The following ST3GAL3 variants were observed in gnomAD, a reference collection of about 807,000 sequenced individuals.
ST3GAL3 encodes ST3 beta-galactoside alpha-2,3-sialyltransferase 3.
In ST3GAL3, 21 loss-of-function variants were observed where a neutral mutation model predicts 50.1. The observed-to-expected ratio is 0.42, with a 90% confidence interval of 0.30 to 0.60. The LOEUF is 0.60. Among genes scored for constraint, ST3GAL3 ranks in the 20% least tolerant of loss-of-function variants. ST3GAL3 has a pLI of 0.19. For synonymous variants in ST3GAL3, 183 were observed against 190.0 expected (o/e 0.96, Z 0.30); for missense variants, 353 against 489.4 (o/e 0.72, Z 2.63).
At chr1:43,755,121 A>G (rs1419071146) in intron 2 of ST3GAL3, among the ~76,000 whole-genome samples, 1 of 152,186 alleles carries the variant, frequency 6.6e-6, no homozygotes, top group Non-Finnish European at 1.5e-5. Context: ...AACATTTTCA[A>G]TGTTTAAAAT....
chr1:43,815,677 A>C (rs1324979484), intron 4 of ST3GAL3, among the ~76,000 whole-genome samples: 1 of 152,224 alleles, frequency 6.6e-6, no homozygotes, highest in African/African-American at 2.4e-5. Context: ...TCTGAGCCTC[A>C]GTTTCATCTG....
chr1:43,836,081 C>T (rs1262045053), intron 4 of ST3GAL3, among the ~76,000 whole-genome samples: 1 of 152,172 alleles, frequency 6.6e-6, no homozygotes, highest in Non-Finnish European at 1.5e-5. Flanking sequence ...CTTCATCTTT[C>T]TAGGCCTTGT....
At chr1:43,929,456 A>G (rs1341844539) in intron 11 of ST3GAL3, among the ~76,000 whole-genome samples, 1 of 152,012 alleles carries the variant, frequency 6.6e-6, no homozygotes, top group Non-Finnish European at 1.5e-5. Context: ...AGGCGCTACC[A>G]TCACACCCAG....
In ST3GAL3 at chr1:43,774,968, A is replaced by G. The variant is rs1409992687; in HGVS notation, c.119-17134A>G. Among the ~76,000 whole-genome samples the G allele has an allele frequency of 6.6e-5, 10 of 152,132 alleles. No homozygotes were observed. In the East Asian group the frequency reaches 1.9e-3, roughly 29 times the overall value. ...CAGGGAGCGTGAGAATACCAGAAAG[A>G]TGCCAGTCTGAGATGCTATCTCAGA... On this transcript the variant is annotated intron_variant, in intron 2 of 11. Transcript: ENST00000347631.
intron 2 of ST3GAL3, among the ~76,000 whole-genome samples, chr1:43,785,282 C>G (rs1202441124): frequency 1.3e-5 from 2 of 152,172 alleles, no homozygotes; most frequent in Admixed American, 6.5e-5. Context: ...GAGCTGTGGT[C>G]CAAGTGGAGC....
intron 2 of ST3GAL3, chr1:43,743,756 G>A (rs1407382232): frequency 4.6e-6 from 1 of 217,818 alleles, no homozygotes; most frequent in South Asian, 6.8e-5. Context: ...CATTCTTACA[G>A]AGCAACAATA....
chr1:43,712,886 G>A (rs952957224), intron 1 of ST3GAL3, among the ~76,000 whole-genome samples: 2 of 152,184 alleles, frequency 1.3e-5, no homozygotes, highest in African/African-American at 4.8e-5. Flanking sequence ...AATAGATTGT[G>A]AAGGTCTTTG....
intron 2 of ST3GAL3, chr1:43,771,738 GT>G: frequency 1.1e-5 from 3 of 265,212 alleles, no homozygotes; most frequent in African/African-American, 2.5e-5. Context: ...AGTTGTGTGT[GT>G]GTGTGTGTGT....
chr1:43,714,432 C>CAAAAAAAAAAA (rs35400929), intron 1 of ST3GAL3, among the ~76,000 whole-genome samples: 3 of 73,676 alleles, frequency 4.1e-5, no homozygotes, highest in Admixed American at 1.7e-4. Flanking sequence ...TACTAAAATA[C>CAAAAAAAAAAA]AAAAAAAAAA....
rs1179040333 is a variant in ST3GAL3 at position 43,894,199 on chromosome 1, C to T, written c.303-184C>T. On this transcript the variant is annotated intron_variant, in intron 5 of 11. Coordinates refer to ENST00000347631, the MANE Select transcript of ST3GAL3 (RefSeq NM_006279.5). The stretch of plus-strand genomic sequence containing the variant: ...AGGCCTACTCCCTCAGACTCAGGCT[C>T]CACTGAACAAGATCTGTCAAACCCC... The T allele has an allele frequency of 2.6e-5, 17 of 666,456 alleles. No homozygotes were observed. In the South Asian group the frequency reaches 2.6e-4, roughly 10 times the overall value. 41.3% of individuals were successfully genotyped at this position (666,456 alleles called of 1,614,324 possible).
chr1:43,834,267 T>C (rs1024738016), intron 4 of ST3GAL3, among the ~76,000 whole-genome samples: 1 of 152,344 alleles, frequency 6.6e-6, no homozygotes, highest in Non-Finnish European at 1.5e-5. Context: ...TGGGGAAATA[T>C]TTCCTAACCT....
At chr1:43,744,926 G>A (rs1325888704) in intron 2 of ST3GAL3, among the ~76,000 whole-genome samples, 1 of 151,968 alleles carries the variant, frequency 6.6e-6, no homozygotes, top group Non-Finnish European at 1.5e-5. Context: ...GGGAGACAGA[G>A]GTTGCAGTGA....
At chr1:43,924,350 C>T (rs1252915235) in intron 11 of ST3GAL3, among the ~76,000 whole-genome samples, 2 of 152,248 alleles carry the variant, frequency 1.3e-5, no homozygotes, top group Non-Finnish European at 2.9e-5. Flanking sequence ...CAGCTTTTAT[C>T]AGCCTCCTGG....
At chr1:43,857,586 CCCTTCCTTCCTT>C (rs1178598580) in intron 5 of ST3GAL3, among the ~76,000 whole-genome samples, 4 of 85,976 alleles carry the variant, frequency 4.7e-5, no homozygotes, top group Non-Finnish European at 6.3e-5. Flanking sequence ...CTTCCTCCCT[CCCTTCCTTCCTT>C]CCTTCCTTCC....
At position 43,881,372 on chromosome 1, in the gene ST3GAL3, A is replaced by G. The variant is rs149726989; in HGVS notation, c.303-13011A>G. Among the ~76,000 whole-genome samples, 96 of 152,354 alleles carry G rather than the reference A, an allele frequency of 6.3e-4. No individual in the cohort carries two copies. The East Asian group carries it at 0.018, about 29-fold the overall frequency. ...CCTGAGATAAGCTGGGGCTTAGCAC[A>G]TATTAGAGACACAGACGGTAGATGC... On this transcript the variant is annotated intron_variant, in intron 5 of 11. Coordinates refer to ENST00000347631, the MANE Select transcript of ST3GAL3 (RefSeq NM_006279.5).
At chr1:43,718,668 T>C (rs926674911) in intron 1 of ST3GAL3, among the ~76,000 whole-genome samples, 6 of 138,434 alleles carry the variant, frequency 4.3e-5, no homozygotes, top group Non-Finnish European at 9.4e-5. Context: ...GTTTTTATCC[T>C]TCTGCTACAT....
intron 5 of ST3GAL3, among the ~76,000 whole-genome samples, chr1:43,854,988 TA>T (rs780940839): frequency 6.6e-6 from 1 of 152,222 alleles, no homozygotes; most frequent in African/African-American, 2.4e-5. Context: ...TTCTTATCAC[TA>T]TTTAATCATA....
Position 43,920,800 on chromosome 1 carries a change from A to T in ST3GAL3, c.910A>T (p.Ser304Cys). Reference protein sequence around the residue: ...MGRGNIPTLGSVAVTMALHGC... With the variant: ...MGRGNIPTLGCVAVTMALHGC... ...CTTCTAGAACATCCCTACCCTTGGC[A>T]GTGTGGCAGTGACCATGGCACTACA... The change falls in exon 11 of 12, where the codon AGT (serine) becomes TGT (cysteine). Residue 304 changes from serine to cysteine, a missense_variant. By Grantham distance (112) the Ser-to-Cys change is moderately radical (BLOSUM62 -1). Coordinates refer to ENST00000347631, the MANE Select transcript of ST3GAL3 (RefSeq NM_006279.5). The T allele has an allele frequency of 6.2e-7, 1 of 1,614,124 alleles. No individual in the cohort carries two copies.
At chr1:43,786,354 C>T (rs2057336799) in intron 2 of ST3GAL3, among the ~76,000 whole-genome samples, 1 of 152,228 alleles carries the variant, frequency 6.6e-6, no homozygotes, top group Admixed American at 6.5e-5. Flanking sequence ...TCTCTGACCT[C>T]GTTTTCCCAC....
Sources: gnomAD v4.1 joint callset for allele counts (sites outside exome capture counted in the v4.1 genomes callset) on GRCh38, gnomAD v4.1.1 for gene constraint, MANE v1.5 for transcripts, NCBI Gene and HGNC (gene_info 2026-07-23, HGNC 2026-07-21) for gene names.